Variants in LINGO2 observed in about 807,000 individuals in gnomAD.
LINGO2 encodes the protein leucine-rich repeat and immunoglobulin-like domain-containing nogo receptor-interacting protein 2.
LINGO2 carries 14 observed loss-of-function variants against 30.6 expected under a neutral mutation model. That is an observed-to-expected ratio of 0.46 (90% CI 0.30 to 0.72). LINGO2 has a LOEUF of 0.72. Ranked by LOEUF, LINGO2 falls within the 30% of genes least tolerant of loss-of-function variation. The pLI is 0.07. For synonymous variants in LINGO2, 317 were observed against 288.5 expected, an observed-to-expected ratio of 1.10 and a Z score of -1.00; for missense variants, 729 against 751.7, an observed-to-expected ratio of 0.97 and a Z score of 0.35.
the LINGO2 span, among the ~76,000 whole-genome samples, chr9:28,928,859 C>G: frequency 6.6e-6 from 1 of 152,112 alleles, no homozygotes; most frequent in African/African-American, 2.4e-5. Flanking sequence ...CGTATGTGAG[C>G]TCAAGTGAGC....
intron 4 of LINGO2, among the ~76,000 whole-genome samples, chr9:28,052,388 C>T (rs779930039): frequency 6.6e-6 from 1 of 152,082 alleles, no homozygotes; most frequent in Non-Finnish European, 1.5e-5. Context: ...ATTGCTCACA[C>T]CTTGTGGTTA....
chr9:28,348,571 G>A (rs1819694918), intron 3 of LINGO2, among the ~76,000 whole-genome samples: 1 of 152,208 alleles, frequency 6.6e-6, no homozygotes. Flanking sequence ...GAGGCTGGGG[G>A]AGGGGCGCCC....
chr9:28,641,321 C>T (rs1827566961), intron 1 of LINGO2, among the ~76,000 whole-genome samples: 2 of 152,084 alleles, frequency 1.3e-5, no homozygotes, highest in African/African-American at 4.8e-5. Context: ...CAGGCGTGAG[C>T]CACCGCGCCC....
chr9:28,525,919 G>A (rs1821009763), intron 1 of LINGO2, among the ~76,000 whole-genome samples: 4 of 151,814 alleles, frequency 2.6e-5, no homozygotes, highest in African/African-American at 9.7e-5. Flanking sequence ...AGCGGGGCGT[G>A]GTGGCGGGCG....
chr9:28,320,824 T>C (rs974629041), intron 3 of LINGO2, among the ~76,000 whole-genome samples: 5 of 152,176 alleles, frequency 3.3e-5, no homozygotes. Context: ...TCCCCTTCTG[T>C]TTCCTTCTTG....
At chr9:28,311,195 G>T (rs1185402639) in intron 3 of LINGO2, among the ~76,000 whole-genome samples, 1 of 152,222 alleles carries the variant, frequency 6.6e-6, no homozygotes, top group Admixed American at 6.5e-5. Context: ...TTTCAAAAGG[G>T]GAGGGAGTGT....
At chr9:28,048,225 G>A (rs1261782033) in intron 4 of LINGO2, among the ~76,000 whole-genome samples, 1 of 150,804 alleles carries the variant, frequency 6.6e-6, no homozygotes, top group Admixed American at 6.6e-5. Context: ...CTTACACAAT[G>A]TAATAATCCA....
chr9:28,909,819 A>G, the LINGO2 span, among the ~76,000 whole-genome samples: 3 of 152,042 alleles, frequency 2.0e-5, no homozygotes, highest in African/African-American at 7.2e-5. Flanking sequence ...AGTAAGACAT[A>G]TAATATTAAA....
chr9:28,553,080 A>C (rs182047305), intron 1 of LINGO2, among the ~76,000 whole-genome samples: 53 of 152,164 alleles, frequency 3.5e-4, no homozygotes, highest in African/African-American at 1.3e-3. Context: ...TCTGCTATAA[A>C]AGCAGAGCAC....
chr9:28,430,109 C>CGTGTGTGTGTGTGT lies in LINGO2; in HGVS notation c.-279+45817_-279+45830dup, dbSNP rs55989705. ...AGGCTGATTTCCACGCGCGCGCGCG[C>CGTGTGTGTGTGTGT]GTGTGTGTGTGTGTGTGTGTGATTC... On this transcript the variant is annotated intron_variant, in intron 2 of 5. Transcript: ENST00000379992. Among the ~76,000 whole-genome samples the CGTGTGTGTGTGTGT allele has an allele frequency of 3.6e-3, 487 of 136,194 alleles. 3 individuals carry two copies. The highest frequency in any genetic ancestry group is 0.012 in the African/African-American group (459 of 38,064). The allele number at this position is 136,194 out of a possible 152,430, so 89.3% of individuals were successfully genotyped here.
chr9:28,464,702 A>G (rs1051453064), intron 2 of LINGO2, among the ~76,000 whole-genome samples: 1 of 152,210 alleles, frequency 6.6e-6, no homozygotes, highest in Non-Finnish European at 1.5e-5. Flanking sequence ...AAAGGCCATC[A>G]TCGGCTTTTT....
intron 2 of LINGO2, among the ~76,000 whole-genome samples, chr9:28,394,020 T>C (rs533396438): frequency 1.3e-5 from 2 of 152,224 alleles, no homozygotes; most frequent in South Asian, 4.1e-4. Context: ...CCTTGTCTCA[T>C]TCCCCTATCA....
At chr9:28,409,527 A>G (rs1178372641) in intron 2 of LINGO2, among the ~76,000 whole-genome samples, 1 of 152,062 alleles carries the variant, frequency 6.6e-6, no homozygotes, top group Admixed American at 6.6e-5. Flanking sequence ...TGAGACTCTG[A>G]TAAATAATAC....
At chr9:29,000,217 C>T in the LINGO2 span, among the ~76,000 whole-genome samples, 159 of 151,930 alleles carry the variant, frequency 1.0e-3, no homozygotes, top group Non-Finnish European at 2.1e-3. Context: ...CCTCTTTTTC[C>T]TATGAATTAA....
At chr9:28,447,838 A>T (rs555862454) in intron 2 of LINGO2, among the ~76,000 whole-genome samples, 2 of 152,290 alleles carry the variant, frequency 1.3e-5, no homozygotes, top group South Asian at 2.1e-4. Flanking sequence ...GATGCACTGG[A>T]TATATTGGGA....
intron 1 of LINGO2, among the ~76,000 whole-genome samples, chr9:28,505,880 A>C (rs1820089675): frequency 6.6e-6 from 1 of 151,906 alleles, no homozygotes; most frequent in African/African-American, 2.4e-5. Flanking sequence ...CTACTATCCC[A>C]AATACTGATG....
chr9:28,979,886 T>C, the LINGO2 span, among the ~76,000 whole-genome samples: 1 of 152,106 alleles, frequency 6.6e-6, no homozygotes, highest in African/African-American at 2.4e-5. Context: ...TATATTGCCG[T>C]TCAAATAAGC....
chr9:28,390,275 T>G (rs2134684138), intron 2 of LINGO2, among the ~76,000 whole-genome samples: 1 of 152,308 alleles, frequency 6.6e-6, no homozygotes, highest in East Asian at 1.9e-4. Context: ...ATTAAACTAT[T>G]TCTTTCAGCA....
At chr9:28,595,958 G>A (rs761780607) in intron 1 of LINGO2, among the ~76,000 whole-genome samples, 5 of 152,004 alleles carry the variant, frequency 3.3e-5, no homozygotes, top group Non-Finnish European at 5.9e-5. Context: ...TTTTAAAAAC[G>A]GAATTTGTGT....
Sources: gnomAD v4.1 joint callset for allele counts (sites outside exome capture counted in the v4.1 genomes callset) on GRCh38, gnomAD v4.1.1 for gene constraint, MANE v1.5 for transcripts, NCBI Gene and HGNC (gene_info 2026-07-23, HGNC 2026-07-21) for gene names.